The following MYRF variants were observed in gnomAD, a reference collection of about 807,000 sequenced individuals.
The protein encoded by MYRF is myelin regulatory factor.
In MYRF, 16 loss-of-function variants were observed where a neutral mutation model predicts 126.3. That is an observed-to-expected ratio of 0.13 (90% CI 0.09 to 0.19). MYRF has a LOEUF of 0.19. Ranked by LOEUF, MYRF falls within the 10% of genes least tolerant of loss-of-function variation. The pLI is 1.00. For synonymous variants in MYRF, 608 were observed against 635.3 expected, an observed-to-expected ratio of 0.96 and a Z score of 0.65; for missense variants, 1,104 against 1,547.0, an observed-to-expected ratio of 0.71 and a Z score of 4.80.
intron 25 of MYRF, 97 bp from the exon 26 acceptor site, chr11:61,785,703 C>T: frequency 1.0e-6 from 1 of 971,894 alleles, no homozygotes; most frequent in South Asian, 1.4e-5. Context: ...CTTCATAAAA[C>T]TCCCCACAGA....
intron 1 of MYRF, among the ~76,000 whole-genome samples, chr11:61,756,892 C>T (rs1217437991): frequency 6.6e-6 from 1 of 152,058 alleles, no homozygotes; most frequent in Non-Finnish European, 1.5e-5. Context: ...CCTGACTCCC[C>T]AATTACCAAC....
In MYRF at chr11:61,780,708, T is replaced by G. The variant is rs1591126398; in HGVS notation, c.2406-4T>G. On this transcript the variant is annotated splice_polypyrimidine_tract_variant and splice_region_variant and intron_variant, in intron 18 of 26. Transcript: ENST00000278836. ...TCACCCTTTGCCTTTTTGCTGCCCC[T>G]TAGCTCTTTTGCCGTGTCCACTTCC... 1.3e-6 allele frequency: 2 copies of G among 1,550,106 alleles called. No individual in the cohort carries two copies. Among genetic ancestry groups the G allele is most frequent in the Non-Finnish European group, 1.7e-6 (2 of 1,147,036 alleles).
chr11:61,781,612 G>A lies in MYRF; in HGVS notation c.2804G>A (p.Arg935Lys), dbSNP rs1045209884. 9 of 1,613,936 alleles carry A rather than the reference G, an allele frequency of 5.6e-6. No homozygotes were observed. The Admixed American group carries it at 1.2e-4, about 21-fold the overall frequency. The change falls in exon 22 of 27, where the codon AGA becomes AAA. Residue 935 changes from arginine to lysine, a missense_variant. Physicochemically the swap from Arg to Lys is conservative, Grantham distance 26. Coordinates refer to ENST00000278836, the MANE Select transcript of MYRF (RefSeq NM_001127392.3). ...QMALLPVTNI[R>K]AKSWGLSVNG... Reference sequence around the variant, plus strand: ...GCCCTTCTGCCAGTCACCAACATCAGAGCCAAGTCCTGGGGTCTTTCAGTC... The same window carrying A: ...GCCCTTCTGCCAGTCACCAACATCAAAGCCAAGTCCTGGGGTCTTTCAGTC...
At chr11:61,772,978 C>A (rs953486541) in intron 7 of MYRF, among the ~76,000 whole-genome samples, 1 of 150,788 alleles carries the variant, frequency 6.6e-6, no homozygotes, top group Non-Finnish European at 1.5e-5. Flanking sequence ...AGTGAGGGTG[C>A]GCTAAGCCAC....
intron 17 of MYRF, 59 bp from the exon 18 acceptor site, chr11:61,780,161 TAG>T: frequency 1.3e-6 from 2 of 1,576,516 alleles, no homozygotes; most frequent in Non-Finnish European, 1.7e-6. Context: ...AGCCTTGTCC[TAG>T]AGAGAGGGCA....
chr11:61,766,457 C>A, intron 3 of MYRF: 1 of 494,330 alleles, frequency 2.0e-6, no homozygotes, highest in Non-Finnish European at 3.5e-6. Flanking sequence ...GTGATGAGGG[C>A]TGACGTAAGT....
chr11:61,772,016 G>A (rs1376529986), intron 7 of MYRF, 64 bp downstream of exon 7: 10 of 1,595,398 alleles, frequency 6.3e-6, no homozygotes, highest in Non-Finnish European at 8.5e-6. Context: ...CCCAGCCCAG[G>A]ACCCCATCAA....
rs760354929 is a variant in MYRF at position 61,771,718 on chromosome 11, C to T, written c.959C>T (p.Pro320Leu). ...LPLSIARVQT[P>L]PWHPPGAPSP... The stretch of plus-strand genomic sequence containing the variant: ...CTCAGCATTGCCCGTGTCCAGACAC[C>T]GCCTTGGCACCCGCCAGGTGCCCCC... Residue 320 changes from proline to leucine, a missense_variant, in exon 6 of 27, where the codon CCG (proline) becomes CTG (leucine). Pro to Leu is a moderately conservative substitution (Grantham distance 98). This residue lies in a region of MYRF where 87 missense variants were observed against 129.2 expected (regional missense o/e 0.67). Coordinates refer to ENST00000278836, the MANE Select transcript of MYRF (RefSeq NM_001127392.3). 1.3e-5 allele frequency: 21 copies of T among 1,612,540 alleles called. No homozygotes were observed. The highest frequency in any genetic ancestry group is 3.3e-5 in the South Asian group (3 of 91,052).
rs2066491001 is a variant in MYRF, at chr11:61,779,865, G to C, written c.2271G>C (p.Gln757His). Residue 757 changes from glutamine (Q) to histidine (H), a missense_variant, in exon 17 of 27, where the codon CAG becomes CAC. This residue lies in a region of MYRF where 323 missense variants were observed against 383.1 expected (regional missense o/e 0.84). Coordinates refer to ENST00000278836, the MANE Select transcript of MYRF (RefSeq NM_001127392.3). ...ASKSSSVVPD[Q>H]ACISQRFLQG... is the part of the protein sequence containing the mutation. Reference sequence around the variant, plus strand: ...AGTCATCGTCCGTGGTTCCGGACCAGGCCTGCATCAGCCAGCGCTTCCTGC... The same window carrying C: ...AGTCATCGTCCGTGGTTCCGGACCACGCCTGCATCAGCCAGCGCTTCCTGC... 1 of 1,614,050 alleles carries C rather than the reference G, an allele frequency of 6.2e-7. No homozygotes were observed. Among genetic ancestry groups the C allele is most frequent in the Admixed American group, 1.7e-5 (1 of 60,000 alleles).
chr11:61,779,628 C>A, intron 16 of MYRF, 58 bp downstream of exon 16: 1 of 1,425,054 alleles, frequency 7.0e-7, no homozygotes, highest in South Asian at 1.5e-5. Context: ...TGTGGCCTCC[C>A]TTTCTGGCTT....
intron 1 of MYRF, among the ~76,000 whole-genome samples, chr11:61,756,009 C>A (rs2065740490): frequency 6.6e-6 from 1 of 152,182 alleles, no homozygotes; most frequent in Non-Finnish European, 1.5e-5. Context: ...GGCCTCATTC[C>A]CCTCCCAGGG....
chr11:61,783,747 C>A lies in MYRF; in HGVS notation c.3120-104C>A. On this transcript the variant is annotated intron_variant, in intron 23 of 26. Coordinates refer to ENST00000278836, the MANE Select transcript of MYRF (RefSeq NM_001127392.3). The surrounding 1 kb of genome is among the most constrained non-coding windows in gnomAD (Gnocchi z 4.6). ...TTTCCAGGCTACCCTTGGACACTGTCTCTTCTGGAGGGCTCCAGTACAGAT... is the reference window on the plus strand; with the variant it reads ...TTTCCAGGCTACCCTTGGACACTGTATCTTCTGGAGGGCTCCAGTACAGAT... 1 of 1,380,956 alleles carries A rather than the reference C, an allele frequency of 7.2e-7. No individual in the cohort carries two copies. The highest frequency in any genetic ancestry group is 1.0e-6 in the Non-Finnish European group (1 of 995,622). 85.5% of individuals were successfully genotyped at this position (1,380,956 alleles called of 1,614,324 possible).
chr11:61,781,560 G>T lies in MYRF; in HGVS notation c.2765-13G>T. 6.2e-7 allele frequency: 1 copy of T among 1,611,654 alleles called. No homozygotes were observed. Among genetic ancestry groups the T allele is most frequent in the Non-Finnish European group, 8.5e-7 (1 of 1,179,086 alleles). On this transcript the variant is annotated splice_polypyrimidine_tract_variant and intron_variant, in intron 21 of 26. Transcript: ENST00000278836. ...CTTCCAGCTTCTTAGCCTGTGCCTG[G>T]TTCTATCCACAGGCCCCAGCCAGAT...
At chr11:61,765,588 TG>T in intron 1 of MYRF, 36 bp from the exon 2 acceptor site, 1 of 1,562,908 alleles carries the variant, frequency 6.4e-7, no homozygotes, top group East Asian at 2.3e-5. Context: ...TGCAGGGAGC[TG>T]GGCCTCTTCC....
rs761534932 is a variant in MYRF, at chr11:61,776,795, T to C, written c.1508T>C (p.Met503Thr). 3 of 1,600,740 alleles carry C rather than the reference T, an allele frequency of 1.9e-6. No homozygotes were observed. The highest frequency in any genetic ancestry group is 2.6e-6 in the Non-Finnish European group (3 of 1,174,042). The change falls in exon 11 of 27, where the codon ATG (methionine) becomes ACG (threonine). Residue 503 changes from methionine to threonine, a missense_variant. By Grantham distance (81) the Met-to-Thr change is moderately conservative (BLOSUM62 -1). Coordinates refer to ENST00000278836, the MANE Select transcript of MYRF (RefSeq NM_001127392.3). The surrounding 1 kb of genome is among the most constrained non-coding windows in gnomAD (Gnocchi z 4.3). ...GKPNPDQRYFMLVVALQAHAQ... is the reference protein window; with the variant it reads ...GKPNPDQRYFTLVVALQAHAQ... ...ACCCCTGTGTGTCCCAGGTACTTCA[T>C]GCTGGTGGTGGCCCTCCAGGCTCAT...
chr11:61,765,820 C>G (rs2066040478), intron 2 of MYRF, 108 bp downstream of exon 2: 5 of 1,413,334 alleles, frequency 3.5e-6, no homozygotes. Context: ...TGTGGTCCCA[C>G]CTCTGAAAGC....
rs1591132328 is a variant in MYRF, at chr11:61,783,374, T to C, written c.3017-124T>C. 1.5e-5 allele frequency: 11 copies of C among 751,008 alleles called. No homozygotes were observed. Among genetic ancestry groups the C allele is most frequent in the Non-Finnish European group, 2.3e-5 (10 of 432,676 alleles). 46.5% of individuals were successfully genotyped at this position (751,008 alleles called of 1,614,324 possible). The stretch of plus-strand genomic sequence containing the variant: ...TGTGATGCTGGCCATTGTGGAGGTC[T>C]GGAAAAAAATAACCTGGAACTTATT... On this transcript the variant is annotated intron_variant, in intron 22 of 26. Transcript: ENST00000278836. The surrounding 1 kb of genome is among the most constrained non-coding windows in gnomAD (Gnocchi z 4.6).
Position 61,786,231 on chromosome 11 carries a change from C to T in MYRF, c.*88C>T, listed in dbSNP as rs767776804. 3.0e-5 allele frequency: 38 copies of T among 1,250,314 alleles called. No homozygotes were observed. In the East Asian group the frequency reaches 4.3e-4, roughly 14 times the overall value. 77.5% of individuals were successfully genotyped at this position (1,250,314 alleles called of 1,614,324 possible). On this transcript the variant is annotated 3_prime_UTR_variant, in exon 27 of 27. Transcript: ENST00000278836. The surrounding 1 kb of genome is among the most constrained non-coding windows in gnomAD (Gnocchi z 4.5). Reference sequence around the variant, plus strand: ...GATGCAATGGTGTTACACTGGAGCCCGCTGCAGGCCAGCTCTGCTGTTCAC... The same window carrying T: ...GATGCAATGGTGTTACACTGGAGCCTGCTGCAGGCCAGCTCTGCTGTTCAC...
At position 61,786,441 on chromosome 11, in the gene MYRF, G is replaced by A. The variant is rs2066697447; in HGVS notation, c.*298G>A. On this transcript the variant is annotated 3_prime_UTR_variant, in exon 27 of 27. Transcript: ENST00000278836. The surrounding 1 kb of genome is among the most constrained non-coding windows in gnomAD (Gnocchi z 4.5). ...TTCCAGATATGGTGGTTGGAGGGCT[G>A]GTTCAGGTGCCCTGGAGGGAAGGGG... 2.3e-6 allele frequency: 1 copy of A among 437,634 alleles called. No individual in the cohort carries two copies. The highest frequency in any genetic ancestry group is 4.2e-6 in the Non-Finnish European group (1 of 237,476). 27.1% of individuals were successfully genotyped at this position (437,634 alleles called of 1,614,324 possible).
Sources: gnomAD v4.1 joint callset for allele counts (sites outside exome capture counted in the v4.1 genomes callset) on GRCh38, gnomAD v4.1.1 for gene constraint, gnomAD v4.1.1 regional missense constraint, Gnocchi (gnomAD v3.1) non-coding constraint, MANE v1.5 for transcripts, NCBI Gene and HGNC (gene_info 2026-07-23, HGNC 2026-07-21) for gene names.